Variants in BARD1 observed in about 807,000 individuals in gnomAD.
BARD1 encodes BRCA1 associated RING domain 1.
BARD1 carries 73 observed loss-of-function variants against 77.0 expected under a neutral mutation model. The observed-to-expected ratio is 0.95, with a 90% CI of 0.79 to 1.15. The LOEUF (loss-of-function observed/expected upper bound fraction) is 1.15. Among genes scored for constraint, BARD1 ranks in the 50% most tolerant of loss-of-function variants. The pLI is 0.00. For missense variants in BARD1, 993 were observed against 938.8 expected (o/e 1.06, Z -0.75); for synonymous variants, 384 against 338.0 (o/e 1.14, Z -1.49).
chr2:214,795,716 C>T (rs1205467113), intron 2 of BARD1, among the ~76,000 whole-genome samples: 1 of 152,112 alleles, frequency 6.6e-6, no homozygotes, highest in African/African-American at 2.4e-5. Context: ...GCAGAACTGA[C>T]AGAACTTAGC....
chr2:214,766,811 T>C (rs1008614921), intron 6 of BARD1, among the ~76,000 whole-genome samples: 14 of 152,226 alleles, frequency 9.2e-5, no homozygotes, highest in Admixed American at 5.9e-4. Flanking sequence ...TAGTGTTATT[T>C]TTTTTCCCCT....
At chr2:214,799,655 C>T (rs543788998) in intron 1 of BARD1, among the ~76,000 whole-genome samples, 51 of 151,310 alleles carry the variant, frequency 3.4e-4, no homozygotes, top group African/African-American at 1.2e-3. Context: ...ATAATACTTG[C>T]CTTTCTTCTC....
At chr2:214,806,341 T>C (rs1043267420) in intron 1 of BARD1, among the ~76,000 whole-genome samples, 9 of 152,302 alleles carry the variant, frequency 5.9e-5, no homozygotes, top group Middle Eastern at 3.4e-3. Context: ...AAGGACATAC[T>C]GACACAATTT....
chr2:214,745,201 C>T (rs1177481895), intron 8 of BARD1, 42 bp from the exon 9 acceptor site: 1 of 1,544,638 alleles, frequency 6.5e-7, no homozygotes, highest in East Asian at 2.3e-5. Context: ...AAGATACAAG[C>T]CAAAGTATTT....
chr2:214,743,277 A>G (rs926536482), intron 9 of BARD1, among the ~76,000 whole-genome samples: 4 of 152,254 alleles, frequency 2.6e-5, no homozygotes, highest in African/African-American at 9.6e-5. Context: ...AATTAATAAC[A>G]TAATTAAGAT....
chr2:214,790,545 A>G (rs1450439258), intron 3 of BARD1, among the ~76,000 whole-genome samples: 1 of 152,130 alleles, frequency 6.6e-6, no homozygotes, highest in Non-Finnish European at 1.5e-5. Context: ...CCTTGCATAC[A>G]CTTTCATCTC....
chr2:214,751,589 G>A (rs972934280), intron 7 of BARD1, among the ~76,000 whole-genome samples: 3 of 152,018 alleles, frequency 2.0e-5, no homozygotes, highest in African/African-American at 7.2e-5. Context: ...TGAAATCCCT[G>A]CTAAGCTATG....
At chr2:214,762,220 G>A (rs899191969) in intron 6 of BARD1, among the ~76,000 whole-genome samples, 1 of 152,000 alleles carries the variant, frequency 6.6e-6, no homozygotes, top group Admixed American at 6.6e-5. Context: ...TTACCTTCAG[G>A]CTATGTGTAT....
chr2:214,750,733 G>A (rs1448995210), intron 7 of BARD1, among the ~76,000 whole-genome samples: 1 of 152,098 alleles, frequency 6.6e-6, no homozygotes, highest in East Asian at 1.9e-4. Context: ...AAAGGCTTCA[G>A]GGAAAGACTT....
chr2:214,809,655 T>G lies in BARD1; in HGVS notation c.-86A>C, dbSNP rs1696487322. 1 of 1,487,180 alleles carries G rather than the reference T, an allele frequency of 6.7e-7. No individual in the cohort carries two copies. 92.1% of individuals were successfully genotyped at this position (1,487,180 alleles called of 1,614,324 possible). A position where few individuals can be genotyped will look rare whatever the true frequency, so the allele number is the denominator to read the frequency against. ...CACAGGGAAGCTGCAGGCCAGCGAC[T>G]CGAAACCGGCCAAGCTCTTCCCGCG... On this transcript the variant is annotated 5_prime_UTR_variant, in exon 1 of 11. Coordinates refer to ENST00000260947, the MANE Select transcript of BARD1 (RefSeq NM_000465.4).
chr2:214,744,853 G>C (rs970387353), intron 9 of BARD1, among the ~76,000 whole-genome samples: 2 of 152,082 alleles, frequency 1.3e-5, no homozygotes, highest in East Asian at 3.9e-4. Context: ...GGATGATCTC[G>C]ATCTCCTGGC....
chr2:214,787,271 C>T (rs1380481849), intron 3 of BARD1, among the ~76,000 whole-genome samples: 2 of 151,782 alleles, frequency 1.3e-5, no homozygotes, highest in Non-Finnish European at 2.9e-5. Context: ...CTCAGGTGTA[C>T]ATATTTCCTA....
At chr2:214,775,137 T>C (rs530289912) in intron 4 of BARD1, among the ~76,000 whole-genome samples, 1 of 152,330 alleles carries the variant, frequency 6.6e-6, no homozygotes, top group South Asian at 2.1e-4. Flanking sequence ...CTCTTTTAAA[T>C]TACTTAAAGA....
chr2:214,790,769 T>C (rs541580367), intron 3 of BARD1, among the ~76,000 whole-genome samples: 15 of 152,214 alleles, frequency 9.9e-5, no homozygotes, highest in Non-Finnish European at 2.1e-4. Context: ...CACACACTCC[T>C]AAGAATCTAA....
At chr2:214,808,239 C>T (rs1236421771) in intron 1 of BARD1, among the ~76,000 whole-genome samples, 1 of 152,160 alleles carries the variant, frequency 6.6e-6, no homozygotes, top group Non-Finnish European at 1.5e-5. Context: ...GAAACCCCAT[C>T]TGTACTAAAA....
intron 1 of BARD1, 92 bp from the exon 2 acceptor site, chr2:214,797,209 A>C: frequency 1.0e-6 from 1 of 1,001,572 alleles, no homozygotes; most frequent in Admixed American, 1.7e-5. Context: ...ACACTACCAT[A>C]TTTCTCACTT....
chr2:214,751,117 G>GTGTGTGTATA (rs1486423673), intron 7 of BARD1, among the ~76,000 whole-genome samples: 16 of 16,276 alleles, frequency 9.8e-4, no homozygotes, highest in Non-Finnish European at 1.7e-3. Flanking sequence ...GTGTGTGTGT[G>GTGTGTGTATA]TATATATATA....
intron 3 of BARD1, among the ~76,000 whole-genome samples, chr2:214,787,015 A>G (rs905737305): frequency 3.3e-5 from 5 of 151,986 alleles, no homozygotes; most frequent in Admixed American, 1.3e-4. Flanking sequence ...AGAAAGACTC[A>G]GGATTACAAA....
chr2:214,745,904 C>T lies in BARD1; in HGVS notation c.1678-50G>A, dbSNP rs773596190. On this transcript the variant is annotated intron_variant, in intron 7 of 10. Transcript: ENST00000260947. ...GTGTTAAAAACATTAGACGACTAGA[C>T]AAAGACATTAAACAGACTGTTACTT... is the stretch of plus-strand genomic sequence containing the variant. 3.8e-6 allele frequency: 6 copies of T among 1,596,340 alleles called. No individual in the cohort carries two copies. The Admixed American group carries it at 6.7e-5, about 18-fold the overall frequency.
Sources: gnomAD v4.1 joint callset for allele counts (sites outside exome capture counted in the v4.1 genomes callset) on GRCh38, gnomAD v4.1.1 for gene constraint, MANE v1.5 for transcripts, NCBI Gene and HGNC (gene_info 2026-07-23, HGNC 2026-07-21) for gene names.